The following LTBR variants were observed in gnomAD, a reference collection of about 807,000 sequenced individuals.
The protein encoded by LTBR is tumor necrosis factor receptor superfamily member 3.
In LTBR, 15 loss-of-function variants were observed where a neutral mutation model predicts 45.4. That is an observed-to-expected ratio of 0.33 (90% CI 0.22 to 0.51). The LOEUF is 0.51. LTBR is among the 20% of genes least tolerant of loss of function. The probability of loss-of-function intolerance (pLI) is 0.97; values close to 1 mark genes in which losing one functional copy is unlikely to be tolerated. For synonymous variants in LTBR, 228 were observed against 231.0 expected, an observed-to-expected ratio of 0.99 and a Z score of 0.12; for missense variants, 450 against 565.5, an observed-to-expected ratio of 0.80 and a Z score of 2.07.
intron 1 of LTBR, 33 bp downstream of exon 1, chr12:6,384,487 G>T (rs1253576202): frequency 6.3e-7 from 1 of 1,581,938 alleles, no homozygotes; most frequent in South Asian, 1.1e-5. Flanking sequence ...GTGGGCGAGG[G>T]TGGGCAAGAG....
rs1471840183 is a variant in LTBR, at chr12:6,385,391, C to T, written c.472+12C>T. The T allele has an allele frequency of 6.2e-7, 1 of 1,613,600 alleles. No individual in the cohort carries two copies. The highest frequency in any genetic ancestry group is 1.1e-5 in the South Asian group (1 of 91,064). On this transcript the variant is annotated intron_variant, in intron 4 of 9. Transcript: ENST00000228918. ...AGCCGAGCTCAAAGGTCAGAGGTCCCTGAGGGGCTGGATGTGAAAAGGAGG... is the reference window on the plus strand; with the variant it reads ...AGCCGAGCTCAAAGGTCAGAGGTCCTTGAGGGGCTGGATGTGAAAAGGAGG...
rs1555117351 is a variant in LTBR at position 6,386,469 on chromosome 12, C to CGGGG, written c.667+30_667+33dup. The CGGGG allele has an allele frequency of 2.0e-5, 30 of 1,484,622 alleles. No individual in the cohort carries two copies. Among genetic ancestry groups the CGGGG allele is most frequent in the Admixed American group, 1.6e-4 (9 of 57,992 alleles). 92.0% of individuals were successfully genotyped at this position (1,484,622 alleles called of 1,614,324 possible). ...GGTGAGGGACCAGGGCTGAGGGACA[C>CGGGG]GGGGGGGGCGCCTCTGAAAATGCCT... On this transcript the variant is annotated intron_variant, in intron 6 of 9. Coordinates refer to ENST00000228918, the MANE Select transcript of LTBR (RefSeq NM_002342.3). This position sits in a 1 kb window ranked among gnomAD's most constrained non-coding sequence, Gnocchi z 4.1.
chr12:6,387,942 C>A, intron 6 of LTBR: 1 of 427,254 alleles, frequency 2.3e-6, no homozygotes, highest in Non-Finnish European at 4.7e-6. Flanking sequence ...CCTAGCTCCT[C>A]TACAGCAGCC....
chr12:6,384,565 C>T (rs371095402), intron 1 of LTBR, 23 bp from the exon 2 acceptor site: 17 of 1,612,068 alleles, frequency 1.1e-5, no homozygotes, highest in South Asian at 2.2e-5. Flanking sequence ...TTCTTCTCTC[C>T]TCTTCTCCAT....
chr12:6,384,483 G>A (rs1949015567), intron 1 of LTBR, 29 bp downstream of exon 1: 2 of 1,578,370 alleles, frequency 1.3e-6, no homozygotes, highest in South Asian at 1.1e-5. Flanking sequence ...AGGAGTGGGC[G>A]AGGGTGGGCA....
chr12:6,380,355 G>A (rs78266307), upstream of LTBR, among the ~76,000 whole-genome samples: 3,443 of 152,270 alleles, frequency 0.023, 127 homozygotes, highest in African/African-American at 0.075. Flanking sequence ...GAGCAGAGTG[G>A]AGAAGAAGAG....
chr12:6,385,885 A>G (rs1176112229), intron 4 of LTBR, 181 bp from the exon 5 acceptor site: 3 of 510,574 alleles, frequency 5.9e-6, no homozygotes, highest in Non-Finnish European at 1.0e-5. Context: ...AGCCTGGGCG[A>G]CAGAGCAAGA....
chr12:6,384,398 TG>T lies in LTBR; in HGVS notation c.45del (p.Pro16LeufsTer80). ...GGCCACCTCTGCCCCCGGCCTGGCCTGGGGGCCTCTGGTGCTGGGCCTCTTC... is the reference window on the plus strand; with the variant it reads ...GGCCACCTCTGCCCCCGGCCTGGCCTGGGGCCTCTGGTGCTGGGCCTCTTC... ...PWATSAPGLA[W>X]GPLVLGLFGL... On this transcript the variant is annotated frameshift_variant, in exon 1 of 10. Transcript: ENST00000228918. LOFTEE classifies it high-confidence loss of function. The T allele has an allele frequency of 6.5e-7, 1 of 1,540,530 alleles. No homozygotes were observed. Among genetic ancestry groups the T allele is most frequent in the Admixed American group, 2.0e-5 (1 of 51,146 alleles).
At position 6,386,746 on chromosome 12, in the gene LTBR, G is replaced by GTT. The variant is rs34689662; in HGVS notation, c.667+312_667+313dup. 3.2e-3 allele frequency: 755 copies of GTT among 237,222 alleles called. No homozygotes were observed. Among genetic ancestry groups the GTT allele is most frequent in the Admixed American group, 4.5e-3 (81 of 18,002 alleles). The allele number at this position is 237,222 out of a possible 1,614,324, so 14.7% of individuals were successfully genotyped here. On this transcript the variant is annotated intron_variant, in intron 6 of 9. Transcript: ENST00000228918. The surrounding 1 kb of genome is among the most constrained non-coding windows in gnomAD (Gnocchi z 4.1). Reference sequence around the variant, plus strand: ...TGGGCTTACCAACATTACACAATCCGTTTTTTTTTTTCACACAATCCATTA... The same window carrying GTT: ...TGGGCTTACCAACATTACACAATCCGTTTTTTTTTTTTTCACACAATCCATTA...
chr12:6,382,281 AGT>A (rs1948992097), upstream of LTBR, among the ~76,000 whole-genome samples: 1 of 152,124 alleles, frequency 6.6e-6, no homozygotes, highest in African/African-American at 2.4e-5. Flanking sequence ...GGATTTGAAG[AGT>A]GTGTGCGTTG....
rs759358976 is a variant in LTBR, at chr12:6,388,433, G to A, written c.703G>A (p.Ala235Thr). 3 of 1,613,806 alleles carry A rather than the reference G, an allele frequency of 1.9e-6. No individual in the cohort carries two copies. Among genetic ancestry groups the A allele is most frequent in the East Asian group, 2.2e-5 (1 of 44,886 alleles). ...GATGCTGGCCGTTCTGCTGCCACTG[G>A]CCTTCTTTCTGCTCCTTGCCACCGT... ...MLMLAVLLPL[A>T]FFLLLATVFS... Residue 235 changes from alanine (A) to threonine (T), a missense_variant, in exon 7 of 10, where the codon GCC becomes ACC. Ala to Thr is a moderately conservative substitution (Grantham distance 58, BLOSUM62 0). Coordinates refer to ENST00000228918, the MANE Select transcript of LTBR (RefSeq NM_002342.3). The surrounding 1 kb of genome is among the most constrained non-coding windows in gnomAD (Gnocchi z 4.3).
chr12:6,388,404 T>C lies in LTBR; in HGVS notation c.674T>C (p.Met225Thr). The C allele has an allele frequency of 6.2e-7, 1 of 1,613,398 alleles. No homozygotes were observed. Among genetic ancestry groups the C allele is most frequent in the Non-Finnish European group, 8.5e-7 (1 of 1,179,672 alleles). ...EPLPPEMSGT[M>T]LMLAVLLPLA... Reference sequence around the variant, plus strand: ...CTGTCTGCTGTCCTGGCAGGAACCATGCTGATGCTGGCCGTTCTGCTGCCA... The same window carrying C: ...CTGTCTGCTGTCCTGGCAGGAACCACGCTGATGCTGGCCGTTCTGCTGCCA... Residue 225 changes from methionine (M) to threonine (T), a missense_variant, in exon 7 of 10, where the codon ATG (methionine) becomes ACG (threonine). Physicochemically the swap from Met to Thr is moderately conservative, Grantham distance 81 (BLOSUM62 -1). This residue lies in a region of LTBR where 367 missense variants were observed against 435.4 expected (regional missense o/e 0.84). Coordinates refer to ENST00000228918, the MANE Select transcript of LTBR (RefSeq NM_002342.3). The surrounding 1 kb of genome is among the most constrained non-coding windows in gnomAD (Gnocchi z 4.3).
At position 6,384,204 on chromosome 12, in the gene LTBR, G is replaced by A; in HGVS notation, c.-155G>A. The A allele has an allele frequency of 7.6e-7, 1 of 1,318,018 alleles. No individual in the cohort carries two copies. The highest frequency in any genetic ancestry group is 9.6e-7 in the Non-Finnish European group (1 of 1,038,726). 81.6% of individuals were successfully genotyped at this position (1,318,018 alleles called of 1,614,324 possible). ...TCCGCCATGGGAGCCCTGGAGGCCCGGCCTGGCCGCTCCCGGCCCTGGGGT... is the reference window on the plus strand; with the variant it reads ...TCCGCCATGGGAGCCCTGGAGGCCCAGCCTGGCCGCTCCCGGCCCTGGGGT... On this transcript the variant is annotated 5_prime_UTR_variant, in exon 1 of 10. Transcript: ENST00000228918.
chr12:6,386,185 T>G lies in LTBR; in HGVS notation c.569+23T>G. On this transcript the variant is annotated intron_variant, in intron 5 of 9. Coordinates refer to ENST00000228918, the MANE Select transcript of LTBR (RefSeq NM_002342.3). The surrounding 1 kb of genome is among the most constrained non-coding windows in gnomAD (Gnocchi z 4.1). ...CAGGTGAGTGCAGCCCCACCCAAGC[T>G]CCTTCCACCCTCTGAGAAGCCTCAG... 6.3e-7 allele frequency: 1 copy of G among 1,593,950 alleles called. No homozygotes were observed. The highest frequency in any genetic ancestry group is 8.6e-7 in the Non-Finnish European group (1 of 1,162,318).
At position 6,377,694 on chromosome 12, in the gene LTBR, G is replaced by A. The variant is rs776305546; in HGVS notation, c.39+2100G>A. ...TGGGCATGGTCCTCCCTGCAATAAG[G>A]TGCTCAGCACCCTGGCTGTTTGATC... On this transcript the variant is annotated intron_variant, in intron 1 of 9. Coordinates refer to the LTBR transcript ENST00000539925. The A allele has an allele frequency of 1.9e-5, 25 of 1,295,262 alleles. No homozygotes were observed. The East Asian group carries it at 9.8e-4, about 51-fold the overall frequency. 80.2% of individuals were successfully genotyped at this position (1,295,262 alleles called of 1,614,324 possible). A position where few individuals can be genotyped will look rare whatever the true frequency, so the allele number is the denominator to read the frequency against.
rs1718626357 is a variant in LTBR, at chr12:6,390,703, T to C, written c.1074T>C (p.Thr358=). 1.3e-6 allele frequency: 2 copies of C among 1,498,094 alleles called. No homozygotes were observed. Among genetic ancestry groups the C allele is most frequent in the Non-Finnish European group, 1.8e-6 (2 of 1,123,972 alleles). 92.8% of individuals were successfully genotyped at this position (1,498,094 alleles called of 1,614,324 possible). A position where few individuals can be genotyped will look rare whatever the true frequency, so the allele number is the denominator to read the frequency against. ...TCACCGGCGGGTCTATGACTATCAC[T>C]GGCAACATCTACATCTACAATGGAC... ...IHVTGGSMTI[T]GNIYIYNGPV... is the part of the protein sequence containing the mutation. Residue 358 remains threonine (T), a synonymous_variant, in exon 10 of 10, where the codon ACT becomes ACC. Transcript: ENST00000228918.
upstream of LTBR, chr12:6,383,975 T>TC (rs1290907836): frequency 9.2e-7 from 1 of 1,086,414 alleles, no homozygotes; most frequent in African/African-American, 1.7e-5. Context: ...CAGTCCGCTC[T>TC]CCCGATCGGG....
intron 1 of LTBR, chr12:6,375,961 G>A: frequency 9.6e-7 from 1 of 1,036,768 alleles, no homozygotes; most frequent in Non-Finnish European, 1.2e-6. Flanking sequence ...AGTGAGTAGA[G>A]GCAGGTGGGG....
Position 6,384,700 on chromosome 12 carries a change from AG to A in LTBR, c.193+18del. The A allele has an allele frequency of 6.2e-7, 1 of 1,611,994 alleles. No homozygotes were observed. Among genetic ancestry groups the A allele is most frequent in the Non-Finnish European group, 8.5e-7 (1 of 1,178,106 alleles). On this transcript the variant is annotated intron_variant, in intron 2 of 9. Transcript: ENST00000228918. ...TGCCCGCCAGGTGAGAGGCAATGGC[AG>A]GACGAACCTGGGCCTCGGAAGTGGG... is the stretch of plus-strand genomic sequence containing the variant.
Sources: allele counts gnomAD v4.1 joint callset (sites outside exome capture counted in the v4.1 genomes callset), GRCh38; gene constraint gnomAD v4.1.1; regional missense constraint gnomAD v4.1.1; non-coding constraint Gnocchi (gnomAD v3.1); transcripts MANE v1.5; gene names NCBI Gene and HGNC (gene_info 2026-07-23, HGNC 2026-07-21).